Variants in TES observed in about 807,000 individuals in gnomAD.
TES encodes testin LIM domain protein.
In TES, 41 loss-of-function variants were observed where a neutral mutation model predicts 48.2. That is an observed-to-expected ratio of 0.85 (90% CI 0.66 to 1.10). TES has a LOEUF of 1.10. TES is among the 50% of genes least tolerant of loss of function. TES has a pLI of 0.00. For missense variants in TES, 463 were observed against 515.1 expected (o/e 0.90, Z 0.98); for synonymous variants, 162 against 174.9 (o/e 0.93, Z 0.58).
rs1179742804 is a variant in TES at position 116,249,291 on chromosome 7, AG to A, written c.366+20del. 6.2e-7 allele frequency: 1 copy of A among 1,613,568 alleles called. No homozygotes were observed. Among genetic ancestry groups the A allele is most frequent in the East Asian group, 2.2e-5 (1 of 44,856 alleles). ...AGCATTGGTAAATGATATGGAACAG[AG>A]AGTTTCTTTATTGAAGTTCCTGGAG... On this transcript the variant is annotated intron_variant, in intron 3 of 6. Transcript: ENST00000358204.
chr7:116,211,034 A>C, intron 1 of TES: 2 of 270,092 alleles, frequency 7.4e-6, no homozygotes, highest in Non-Finnish European at 6.9e-6. Flanking sequence ...AACTTTACTT[A>C]AGATGTTTCA....
At chr7:116,236,804 C>T (rs1286543327) in intron 2 of TES, among the ~76,000 whole-genome samples, 1 of 152,172 alleles carries the variant, frequency 6.6e-6, no homozygotes, top group Non-Finnish European at 1.5e-5. Flanking sequence ...TAACCTTTTA[C>T]ATTTCAATTT....
At chr7:116,245,667 C>T (rs185372060) in intron 2 of TES, among the ~76,000 whole-genome samples, 1 of 152,298 alleles carries the variant, frequency 6.6e-6, no homozygotes, top group Non-Finnish European at 1.5e-5. Context: ...TCCACATTTT[C>T]AGGTATCCTT....
At chr7:116,227,430 C>CT (rs1427703131) in intron 1 of TES, among the ~76,000 whole-genome samples, 1 of 152,038 alleles carries the variant, frequency 6.6e-6, no homozygotes, top group Non-Finnish European at 1.5e-5. Context: ...CCAACCTACA[C>CT]TTTTTTGGTA....
intron 3 of TES, 127 bp from the exon 4 acceptor site, chr7:116,250,034 G>A: frequency 1.6e-6 from 1 of 629,304 alleles, no homozygotes; most frequent in Non-Finnish European, 2.5e-6. Flanking sequence ...AATATACTGT[G>A]AGGGTGAGTT....
At chr7:116,254,285 A>T (rs1016021564) in intron 6 of TES, among the ~76,000 whole-genome samples, 3 of 151,628 alleles carry the variant, frequency 2.0e-5, no homozygotes, top group Non-Finnish European at 4.4e-5. Context: ...ATAGGTGCTC[A>T]ATAAAAATTT....
rs1800015885 is a variant in TES at position 116,251,829 on chromosome 7, G to T, written c.772G>T (p.Asp258Tyr). 6.2e-7 allele frequency: 1 copy of T among 1,614,042 alleles called. No homozygotes were observed. The highest frequency in any genetic ancestry group is 1.1e-5 in the South Asian group (1 of 91,088). ...PAIYAERAGYDKLWHPACFVC... is the reference protein window; with the variant it reads ...PAIYAERAGYYKLWHPACFVC... ...CATCTATGCCGAAAGGGCTGGCTAT[G>T]ATAAACTGTGGCACCCAGCTTGTTT... Residue 258 changes from aspartate to tyrosine, a missense_variant, in exon 5 of 7, where the codon GAT becomes TAT. Coordinates refer to ENST00000358204, the MANE Select transcript of TES (RefSeq NM_015641.4).
At position 116,249,060 on chromosome 7, in the gene TES, G is replaced by T; in HGVS notation, c.154G>T (p.Asp52Tyr). ...CTGCAAGTGTGGCCAAGAAGAGCAT[G>T]ATGTCCTCTTGAGCAATGAAGAGGA... Reference protein sequence around the residue: ...RNCKCGQEEHDVLLSNEEDRK... With the variant: ...RNCKCGQEEHYVLLSNEEDRK... The change falls in exon 3 of 7, where the codon GAT becomes TAT. Residue 52 changes from aspartate to tyrosine, a missense_variant. Coordinates refer to ENST00000358204, the MANE Select transcript of TES (RefSeq NM_015641.4). The T allele has an allele frequency of 6.2e-7, 1 of 1,612,746 alleles. No individual in the cohort carries two copies. The highest frequency in any genetic ancestry group is 8.5e-7 in the Non-Finnish European group (1 of 1,178,936).
chr7:116,243,875 T>TA (rs1799885556), intron 2 of TES: 2 of 152,170 alleles, frequency 1.3e-5, no homozygotes, highest in Admixed American at 1.3e-4. Context: ...TCAGGAAACT[T>TA]ACAATTGTGG....
At chr7:116,234,252 A>G (rs1799736841) in intron 1 of TES, among the ~76,000 whole-genome samples, 1 of 152,184 alleles carries the variant, frequency 6.6e-6, no homozygotes, top group Non-Finnish European at 1.5e-5. Flanking sequence ...GGCCAAAGAC[A>G]TAAATTCATG....
intron 1 of TES, among the ~76,000 whole-genome samples, chr7:116,218,372 T>A (rs1249535025): frequency 6.6e-6 from 1 of 152,142 alleles, no homozygotes; most frequent in Admixed American, 6.5e-5. Context: ...CTAGCCACAA[T>A]GAACTTTTCC....
At chr7:116,242,507 A>C (rs918507035) in intron 2 of TES, among the ~76,000 whole-genome samples, 15 of 141,854 alleles carry the variant, frequency 1.1e-4, no homozygotes, top group Non-Finnish European at 1.9e-4. Context: ...TTCACCACCT[A>C]TCTCTCTCTC....
At chr7:116,248,958 G>T in intron 2 of TES, 62 bp from the exon 3 acceptor site, 1 of 1,456,026 alleles carries the variant, frequency 6.9e-7, no homozygotes, top group African/African-American at 1.4e-5. Flanking sequence ...AACTATAAAT[G>T]TATGAACATA....
intron 1 of TES, among the ~76,000 whole-genome samples, chr7:116,228,226 A>C (rs1799650089): frequency 6.6e-6 from 1 of 152,156 alleles, no homozygotes; most frequent in Non-Finnish European, 1.5e-5. Flanking sequence ...TGGAGCCTGC[A>C]GTTAAAGATA....
At chr7:116,247,263 G>A (rs1799939722) in intron 2 of TES, among the ~76,000 whole-genome samples, 2 of 151,968 alleles carry the variant, frequency 1.3e-5, no homozygotes, top group Admixed American at 6.5e-5. Flanking sequence ...AATCTTTGAT[G>A]GGAAAAGTTT....
intron 1 of TES, chr7:116,217,784 C>A: frequency 1.9e-6 from 1 of 518,306 alleles, no homozygotes; most frequent in Non-Finnish European, 3.9e-6. Context: ...AGAGGTTATG[C>A]TTTTCAACTG....
intron 1 of TES, among the ~76,000 whole-genome samples, chr7:116,220,035 A>T (rs1799539111): frequency 3.3e-5 from 5 of 152,174 alleles, no homozygotes; most frequent in Admixed American, 3.3e-4. Context: ...TTAAACGAAG[A>T]CATGTAAAAC....
chr7:116,221,496 T>C (rs1330449454), intron 1 of TES, among the ~76,000 whole-genome samples: 1 of 152,212 alleles, frequency 6.6e-6, no homozygotes, highest in African/African-American at 2.4e-5. Context: ...CTTTCTGACT[T>C]ACTTGGATCA....
intron 2 of TES, among the ~76,000 whole-genome samples, chr7:116,245,003 A>G (rs950902479): frequency 6.6e-6 from 1 of 152,154 alleles, no homozygotes; most frequent in African/African-American, 2.4e-5. Flanking sequence ...AAGGCTGCAC[A>G]GAGCAAGGGA....
Sources: gnomAD v4.1 joint callset for allele counts (sites outside exome capture counted in the v4.1 genomes callset) on GRCh38, gnomAD v4.1.1 for gene constraint, MANE v1.5 for transcripts, NCBI Gene and HGNC (gene_info 2026-07-23, HGNC 2026-07-21) for gene names.